The following INTS4 variants were observed in gnomAD, a reference collection of about 807,000 sequenced individuals.
INTS4 encodes the protein MSTP093.
Under a neutral mutation model 119.5 loss-of-function variants are expected in INTS4, and 70 were observed. The ratio of observed to expected loss-of-function variants is 0.59; its 90% confidence interval spans 0.48 to 0.71. The LOEUF (loss-of-function observed/expected upper bound fraction) is 0.71, where lower values mean the gene tolerates loss of function less well. Among genes scored for constraint, INTS4 ranks in the 30% least tolerant of loss-of-function variants. The probability of loss-of-function intolerance (pLI) is 0.00; values close to 1 mark genes in which losing one functional copy is unlikely to be tolerated. For synonymous variants in INTS4, 316 were observed against 419.6 expected (o/e 0.75, Z 3.02); for missense variants, 867 against 1,173.2 (o/e 0.74, Z 3.81).
In INTS4 at chr11:77,901,417, T is replaced by C; in HGVS notation, c.2228+4A>G. 6.2e-7 allele frequency: 1 copy of C among 1,613,930 alleles called. No individual in the cohort carries two copies. Among genetic ancestry groups the C allele is most frequent in the South Asian group, 1.1e-5 (1 of 91,058 alleles). On this transcript the variant is annotated splice_donor_region_variant and intron_variant, in intron 18 of 22. Coordinates refer to ENST00000534064, the MANE Select transcript of INTS4 (RefSeq NM_033547.4). ...CACATATTTTGGCCAACCCCACATC[T>C]TACCCTCGTGTAGTTCGTGCTGTTA...
intron 15 of INTS4, among the ~76,000 whole-genome samples, chr11:77,911,751 A>C (rs536093557): frequency 2.0e-5 from 3 of 152,238 alleles, no homozygotes; most frequent in Non-Finnish European, 4.4e-5. Flanking sequence ...GGCTCTAATG[A>C]GAAAGGTAAA....
At chr11:77,876,958 C>A (rs887885762), downstream of INTS4, 6 of 703,200 alleles carry the variant, frequency 8.5e-6, no homozygotes, top group Non-Finnish European at 1.6e-5. Context: ...AGGCTCCAAC[C>A]CAGCAGCTGC....
chr11:77,972,716 C>A (rs981624970), intron 4 of INTS4, among the ~76,000 whole-genome samples: 2 of 151,950 alleles, frequency 1.3e-5, no homozygotes, highest in African/African-American at 4.8e-5. Context: ...CATGCCTGGA[C>A]CTGACTCTCA....
At chr11:77,880,208 G>A (rs1244809250) in intron 22 of INTS4, among the ~76,000 whole-genome samples, 1 of 152,204 alleles carries the variant, frequency 6.6e-6, no homozygotes, top group Non-Finnish European at 1.5e-5. Flanking sequence ...GGGTAGGAAT[G>A]AAGGCTAGAT....
chr11:77,884,705 CT>C, intron 21 of INTS4: 1 of 260,402 alleles, frequency 3.8e-6, no homozygotes, highest in Non-Finnish European at 8.3e-6. Context: ...CCCTATAATC[CT>C]TCATCTCTCC....
chr11:77,948,262 A>C (rs751665316), intron 8 of INTS4, among the ~76,000 whole-genome samples: 1 of 152,260 alleles, frequency 6.6e-6, no homozygotes, highest in Non-Finnish European at 1.5e-5. Context: ...AGAGGTAAAC[A>C]ACAAGAAAGG....
chr11:77,984,914 G>GAA lies in INTS4; in HGVS notation c.247-3340_247-3339dup, dbSNP rs56373012. Among the ~76,000 whole-genome samples, 440 of 137,302 alleles carry GAA rather than the reference G, an allele frequency of 3.2e-3. 1 individual carries two copies. Among genetic ancestry groups the GAA allele is most frequent in the South Asian group, 0.011 (47 of 4,384 alleles). 90.1% of individuals were successfully genotyped at this position (137,302 alleles called of 152,430 possible). On this transcript the variant is annotated intron_variant, in intron 2 of 22. Transcript: ENST00000534064. The stretch of plus-strand genomic sequence containing the variant: ...GGGGGAAAAGAAAATAAATGTAAAT[G>GAA]AAAAAAAAAAAAAAGCAGATAAGAG...
At chr11:77,883,632 A>G (rs1315134619) in intron 22 of INTS4, among the ~76,000 whole-genome samples, 200 bp downstream of exon 22, 1 of 152,168 alleles carries the variant, frequency 6.6e-6, no homozygotes, top group Admixed American at 6.5e-5. Context: ...CTCTCATGCA[A>G]TCAAAGCACT....
chr11:77,899,995 C>CT (rs1952707227), intron 18 of INTS4, among the ~76,000 whole-genome samples: 1 of 151,884 alleles, frequency 6.6e-6, no homozygotes, highest in Admixed American at 6.6e-5. Flanking sequence ...TAAAAAAAAT[C>CT]TTTTTTAAAA....
At chr11:77,973,516 T>A (rs1242639094) in intron 4 of INTS4, among the ~76,000 whole-genome samples, 1 of 152,190 alleles carries the variant, frequency 6.6e-6, no homozygotes, top group Non-Finnish European at 1.5e-5. Flanking sequence ...AAGCATTCAA[T>A]CTGTCAAAAT....
chr11:77,943,206 C>T (rs2136533075), intron 8 of INTS4, among the ~76,000 whole-genome samples: 1 of 152,208 alleles, frequency 6.6e-6, no homozygotes, highest in Admixed American at 6.5e-5. Flanking sequence ...AACACAGCAG[C>T]ACAGAGGGAG....
intron 2 of INTS4, among the ~76,000 whole-genome samples, chr11:77,983,092 T>C (rs1856310071): frequency 6.6e-6 from 1 of 152,188 alleles, no homozygotes; most frequent in Non-Finnish European, 1.5e-5. Context: ...ACACAACAGC[T>C]GTATGTCTTA....
chr11:77,902,971 T>C lies in INTS4; in HGVS notation c.2097+569A>G, dbSNP rs573964137. 4.6e-3 allele frequency among the ~76,000 whole-genome samples: 697 copies of C among 152,342 alleles called. 4 individuals are homozygous for C. The highest frequency in any genetic ancestry group is 0.016 in the African/African-American group (665 of 41,562). ...TGATAGTAGAGACAGCGTTTCACCA[T>C]GTTGGCCAGGCCGGTCTCAAACTCC... On this transcript the variant is annotated intron_variant, in intron 17 of 22. Coordinates refer to ENST00000534064, the MANE Select transcript of INTS4 (RefSeq NM_033547.4).
chr11:77,891,485 A>G, intron 20 of INTS4, 23 bp from the exon 21 acceptor site: 1 of 1,612,868 alleles, frequency 6.2e-7, no homozygotes, highest in South Asian at 1.1e-5. Flanking sequence ...GGAAAATCCT[A>G]TGATTTTAAA....
chr11:77,879,906 A>G (rs923669613), intron 22 of INTS4, among the ~76,000 whole-genome samples: 2 of 152,224 alleles, frequency 1.3e-5, no homozygotes, highest in Non-Finnish European at 2.9e-5. Flanking sequence ...ATCCTGCTAC[A>G]TTATGAAAGA....
intron 3 of INTS4, among the ~76,000 whole-genome samples, chr11:77,981,190 C>CAAAAAAAAAAAAAAAAAAAAG (rs35194381): frequency 2.0e-4 from 18 of 88,832 alleles, no homozygotes; most frequent in East Asian, 6.6e-4. Flanking sequence ...AACAAACAAG[C>CAAAAAAAAAAAAAAAAAAAAG]AAAAAAAAAA....
At chr11:77,942,587 G>T (rs3953421) in intron 8 of INTS4, among the ~76,000 whole-genome samples, 1 of 152,024 alleles carries the variant, frequency 6.6e-6, no homozygotes, top group East Asian at 1.9e-4. Flanking sequence ...TTCTAGATGA[G>T]AACTGAGGCT....
chr11:77,876,045 C>A (rs1303661506), downstream of INTS4, among the ~76,000 whole-genome samples: 1 of 152,054 alleles, frequency 6.6e-6, no homozygotes, highest in South Asian at 2.1e-4. Flanking sequence ...CAGATCAGCT[C>A]ATCACTTAAG....
chr11:77,966,665 A>G (rs183896939), intron 4 of INTS4, among the ~76,000 whole-genome samples: 20 of 152,308 alleles, frequency 1.3e-4, no homozygotes, highest in African/African-American at 4.6e-4. Context: ...TTATGCCAGT[A>G]CCATGTTGTT....
Sources: allele counts gnomAD v4.1 joint callset (sites outside exome capture counted in the v4.1 genomes callset), GRCh38; gene constraint gnomAD v4.1.1; transcripts MANE v1.5; gene names NCBI Gene and HGNC (gene_info 2026-07-23, HGNC 2026-07-21).